Variants in OR51B5 observed in about 807,000 individuals in gnomAD.
OR51B5 encodes the protein olfactory receptor family 51 subfamily B member 5, also known as olfactory receptor 51B5.
For missense variants in OR51B5, 456 were observed against 374.6 expected (o/e 1.22, Z -1.79); for synonymous variants, 186 against 144.8 (o/e 1.28, Z -2.04).
intron 1 of OR51B5, chr11:5,351,362 T>C: frequency 6.4e-6 from 4 of 627,130 alleles, no homozygotes; most frequent in South Asian, 6.1e-5. Context: ...CTCCCAGGAA[T>C]GACTAAATTA....
In OR51B5 at chr11:5,493,040, G is replaced by A. The variant is rs368743527; in HGVS notation, n.84+12529C>T. Among the ~76,000 whole-genome samples, 185 of 152,262 alleles carry A rather than the reference G, an allele frequency of 1.2e-3. 1 individual carries two copies. Among genetic ancestry groups the A allele is most frequent in the African/African-American group, 4.3e-3 (177 of 41,554 alleles). ...TGATCCACCGTTGAAAAATCCTACC[G>A]TTTGAGTTTGATAAAGGAATATGGC... On this transcript the variant is annotated intron_variant and non_coding_transcript_variant, in intron 1 of 4. Coordinates refer to the OR51B5 transcript ENST00000415970.
chr11:5,440,279 T>C (rs537595920), intron 1 of OR51B5, among the ~76,000 whole-genome samples: 3 of 152,302 alleles, frequency 2.0e-5, no homozygotes, highest in African/African-American at 7.2e-5. Context: ...ACAAGAATTT[T>C]TCAGGATACC....
In OR51B5 at chr11:5,505,254, T is replaced by C. The variant is rs569150279; in HGVS notation, n.84+315A>G. 6.6e-6 allele frequency: 8 copies of C among 1,218,644 alleles called. No homozygotes were observed. In the South Asian group the frequency reaches 1.0e-4, roughly 15 times the overall value. 75.5% of individuals were successfully genotyped at this position (1,218,644 alleles called of 1,614,324 possible). ...ATGCAGTAACATTGCTATTAGGTTT[T>C]TTGTTTTTTTCCTCAGACCTATCTG... is the stretch of plus-strand genomic sequence containing the variant. On this transcript the variant is annotated intron_variant and non_coding_transcript_variant, in intron 1 of 4. Coordinates refer to the OR51B5 transcript ENST00000415970.
At chr11:5,469,150 G>C (rs1038330112) in intron 1 of OR51B5, 1 of 222,612 alleles carries the variant, frequency 4.5e-6, no homozygotes, top group Non-Finnish European at 9.0e-6. Flanking sequence ...TTGTCTCTGG[G>C]GCATGAAAAC....
chr11:5,483,371 G>C (rs1299015034), intron 1 of OR51B5, among the ~76,000 whole-genome samples: 1 of 99,776 alleles, frequency 1.0e-5, no homozygotes. Context: ...GTGGGGGGAG[G>C]GGGGAGGGAT....
chr11:5,357,630 A>C (rs1183297568), intron 1 of OR51B5, among the ~76,000 whole-genome samples: 1 of 151,704 alleles, frequency 6.6e-6, no homozygotes, highest in African/African-American at 2.4e-5. Context: ...TCAGCTCTGC[A>C]CCAAGCGGAC....
intron 1 of OR51B5, chr11:5,352,510 C>G (rs1436614462): frequency 1.0e-6 from 1 of 984,304 alleles, no homozygotes; most frequent in Non-Finnish European, 1.5e-6. Flanking sequence ...ATGTTGCCAG[C>G]ATAAGTAACT....
rs180771671 is a variant in OR51B5, at chr11:5,419,685, C to T, written n.85-72775G>A. On this transcript the variant is annotated intron_variant and non_coding_transcript_variant, in intron 1 of 4. Coordinates refer to the OR51B5 transcript ENST00000415970. The stretch of plus-strand genomic sequence containing the variant: ...TATCCAGGAGAGCTCCTGGAAACAA[C>T]CTCTCACATCGAGAAACGATGATAC... Among the ~76,000 whole-genome samples the T allele has an allele frequency of 3.0e-4, 46 of 152,186 alleles. 1 individual carries two copies. The South Asian group carries it at 3.7e-3, about 12-fold the overall frequency.
upstream of OR51B5, among the ~76,000 whole-genome samples, chr11:5,347,623 A>G (rs189714853): frequency 6.6e-6 from 1 of 152,184 alleles, no homozygotes; most frequent in South Asian, 2.1e-4. Flanking sequence ...CAAAGCCACA[A>G]TGTAGACAAA....
At chr11:5,423,530 C>G (rs1042766225) in intron 1 of OR51B5, among the ~76,000 whole-genome samples, 6 of 152,178 alleles carry the variant, frequency 3.9e-5, no homozygotes, top group African/African-American at 1.4e-4. Context: ...CACCTATTCT[C>G]TTAGGCAGTT....
intron 1 of OR51B5, among the ~76,000 whole-genome samples, chr11:5,409,801 T>G (rs1008566246): frequency 6.6e-5 from 10 of 152,128 alleles, no homozygotes; most frequent in African/African-American, 2.4e-4. Flanking sequence ...AATCCATATA[T>G]CCAAGAAGGT....
chr11:5,462,002 CCAAT>C lies in OR51B5; in HGVS notation n.84+43563_84+43566del, dbSNP rs568451981. On this transcript the variant is annotated intron_variant and non_coding_transcript_variant, in intron 1 of 4. Transcript: ENST00000415970. ...CTAGTTAACCATCATGGCTCTCTCC[CCAAT>C]CAAAGAAAATTTGTACTTCTATTTT... Among the ~76,000 whole-genome samples, 144 of 152,290 alleles carry C rather than the reference CCAAT, an allele frequency of 9.5e-4. 4 individuals carry two copies. In the South Asian group the frequency reaches 0.029, roughly 31 times the overall value.
intron 1 of OR51B5, among the ~76,000 whole-genome samples, chr11:5,480,206 C>T (rs1282591896): frequency 1.3e-5 from 2 of 150,544 alleles, no homozygotes; most frequent in Admixed American, 6.6e-5. Context: ...AAGAATCTCA[C>T]TCAAAACCAC....
intron 1 of OR51B5, among the ~76,000 whole-genome samples, chr11:5,477,127 G>C (rs553918833): frequency 2.0e-5 from 3 of 152,178 alleles, no homozygotes; most frequent in African/African-American, 7.2e-5. Context: ...TTTATGATAT[G>C]GATTGTAGTG....
intron 1 of OR51B5, chr11:5,431,062 C>A (rs1290719468): frequency 1.3e-5 from 6 of 453,000 alleles, no homozygotes; most frequent in Non-Finnish European, 1.8e-5. Context: ...TGAGTGGAGG[C>A]AGTAGGAGTG....
chr11:5,475,610 T>C (rs962003906), intron 1 of OR51B5, among the ~76,000 whole-genome samples: 1 of 152,208 alleles, frequency 6.6e-6, no homozygotes, highest in Non-Finnish European at 1.5e-5. Flanking sequence ...TTGTCTAACA[T>C]CTTGCAGAGT....
intron 1 of OR51B5, among the ~76,000 whole-genome samples, chr11:5,462,010 AG>A (rs1267147833): frequency 1.3e-5 from 2 of 152,198 alleles, no homozygotes; most frequent in African/African-American, 4.8e-5. Context: ...CCCCAATCAA[AG>A]AAAATTTGTA....
intron 1 of OR51B5, among the ~76,000 whole-genome samples, chr11:5,406,963 C>G (rs1351069000): frequency 6.6e-6 from 1 of 152,092 alleles, no homozygotes; most frequent in Non-Finnish European, 1.5e-5. Context: ...ATTTGTACTA[C>G]ACCTTTTCTA....
intron 1 of OR51B5, among the ~76,000 whole-genome samples, chr11:5,445,021 A>T (rs1850740668): frequency 6.6e-6 from 1 of 152,200 alleles, no homozygotes; most frequent in African/African-American, 2.4e-5. Flanking sequence ...ACATTGCCTC[A>T]TTCAAATTTA....
Sources: gnomAD v4.1 joint callset for allele counts (sites outside exome capture counted in the v4.1 genomes callset) on GRCh38, gnomAD v4.1.1 for gene constraint, MANE v1.5 for transcripts, NCBI Gene and HGNC (gene_info 2026-07-23, HGNC 2026-07-21) for gene names.